CACNA1C: variants seen among roughly 807,000 people sequenced by gnomAD.
CACNA1C encodes voltage-dependent L-type calcium channel subunit alpha-1C.
CACNA1C carries 30 observed loss-of-function variants against 229.0 expected under a neutral mutation model. The observed-to-expected ratio is 0.13, with a 90% CI of 0.10 to 0.18. The LOEUF is 0.18. Among genes scored for constraint, CACNA1C ranks in the 10% least tolerant of loss-of-function variants. The pLI, the probability that CACNA1C is intolerant of heterozygous loss-of-function variation, is 1.00. For synonymous variants in CACNA1C, 1,114 were observed against 1,132.5 expected, an observed-to-expected ratio of 0.98 and a Z score of 0.33; for missense variants, 1,658 against 2,845.0, an observed-to-expected ratio of 0.58 and a Z score of 9.49.
Position 2,448,763 on chromosome 12 carries a change from GA to G in CACNA1C, c.478-202del, listed in dbSNP as rs34361820. Among the ~76,000 whole-genome samples the G allele has an allele frequency of 0.17, 25,910 of 150,020 alleles. 2,498 individuals carry two copies. Among genetic ancestry groups the G allele is most frequent in the Non-Finnish European group, 0.21 (14,452 of 67,570 alleles). ...ATGTTCATGGGGGAACTTTGATGCA[GA>G]AAAAAAAAAATCCTGTAATCCCCAG... On this transcript the variant is annotated intron_variant, in intron 3 of 46. Transcript: ENST00000399655.
chr12:2,552,719 G>T (rs755791972), intron 10 of CACNA1C, among the ~76,000 whole-genome samples: 4 of 152,180 alleles, frequency 2.6e-5, no homozygotes, highest in Non-Finnish European at 5.9e-5. Flanking sequence ...GTGTTCTGGG[G>T]TGCTACCCCT....
chr12:2,695,107 G>A lies in CACNA1C; in HGVS notation c.*3908G>A, dbSNP rs2097828139. On this transcript the variant is annotated 3_prime_UTR_variant, in exon 47 of 47. Coordinates refer to ENST00000399655, the MANE Select transcript of CACNA1C (RefSeq NM_000719.7). ...CAGGGGAGGCAAATACTTGCTGATGGAGTCTGGGCCGTTTCCATATTTTAA... is the reference window on the plus strand; with the variant it reads ...CAGGGGAGGCAAATACTTGCTGATGAAGTCTGGGCCGTTTCCATATTTTAA... 1 of 152,188 alleles carries A rather than the reference G, an allele frequency of 6.6e-6. No individual in the cohort carries two copies. The highest frequency in any genetic ancestry group is 1.5e-5 in the Non-Finnish European group (1 of 68,038). The allele number at this position is 152,188 out of a possible 1,614,324, so 9.4% of individuals were successfully genotyped here.
intron 1 of CACNA1C, among the ~76,000 whole-genome samples, chr12:2,017,983 T>A (rs1466112791): frequency 1.3e-5 from 2 of 152,230 alleles, no homozygotes. Flanking sequence ...AATATTTTTT[T>A]AAAACCTTTG....
Position 2,053,306 on chromosome 12 carries a change from C to A in CACNA1C, c.-257C>A. ...TGCGGTGCTCAGTTCTTGGAAGGGG[C>A]CCGGATGTACTGAGGATGCGTTACA... is the stretch of plus-strand genomic sequence containing the variant. On this transcript the variant is annotated 5_prime_UTR_variant, in exon 1 of 47. Coordinates refer to ENST00000399655, the MANE Select transcript of CACNA1C (RefSeq NM_000719.7). This position sits in a 1 kb window ranked among gnomAD's most constrained non-coding sequence, Gnocchi z 5.8. The A allele has an allele frequency of 8.3e-7, 1 of 1,211,710 alleles. No homozygotes were observed. The highest frequency in any genetic ancestry group is 3.8e-5 in the East Asian group (1 of 26,328). The allele number at this position is 1,211,710 out of a possible 1,614,324, so 75.1% of individuals were successfully genotyped here.
intron 9 of CACNA1C, among the ~76,000 whole-genome samples, chr12:2,541,924 A>G (rs1005321839): frequency 2.0e-5 from 3 of 152,154 alleles, no homozygotes; most frequent in Non-Finnish European, 4.4e-5. Flanking sequence ...TCAGTCAGTC[A>G]TGACGCATAA....
Position 2,449,099 on chromosome 12 carries a change from A to G in CACNA1C, c.601A>G (p.Ile201Val). ...CAACGGCTGGAACCTACTAGATTTT[A>G]TAATTGTGGTTGTGGGGTAAGTATC... Reference protein sequence around the residue: ...LRNGWNLLDFIIVVVGLFSAI... With the variant: ...LRNGWNLLDFVIVVVGLFSAI... The change falls in exon 4 of 47, where the codon ATA becomes GTA. Residue 201 changes from isoleucine (I) to valine (V), a missense_variant. Coordinates refer to ENST00000399655, the MANE Select transcript of CACNA1C (RefSeq NM_000719.7). The G allele has an allele frequency of 6.4e-7, 1 of 1,552,146 alleles. No individual in the cohort carries two copies. Among genetic ancestry groups the G allele is most frequent in the South Asian group, 1.2e-5 (1 of 82,074 alleles).
At chr12:2,671,190 T>A (rs1235775775) in intron 38 of CACNA1C, among the ~76,000 whole-genome samples, 3 of 152,036 alleles carry the variant, frequency 2.0e-5, no homozygotes. Flanking sequence ...AATTTTTGTA[T>A]TTTTAGTAGA....
intron 3 of CACNA1C, among the ~76,000 whole-genome samples, chr12:2,272,200 A>G (rs2085360907): frequency 6.6e-6 from 1 of 152,156 alleles, no homozygotes; most frequent in Admixed American, 6.5e-5. Flanking sequence ...ATTCCTGGCC[A>G]CAAACCCTCT....
intron 1 of CACNA1C, among the ~76,000 whole-genome samples, chr12:2,016,442 T>A (rs1159879171): frequency 2.0e-5 from 3 of 152,228 alleles, no homozygotes; most frequent in Admixed American, 1.3e-4. Context: ...TTTTCTTTTT[T>A]TTTTGAGACG....
intron 1 of CACNA1C, among the ~76,000 whole-genome samples, chr12:2,094,797 A>G (rs2073103426): frequency 6.6e-6 from 1 of 152,140 alleles, no homozygotes. Flanking sequence ...GGGTTGTGAA[A>G]TGCAGCCACT....
chr12:2,474,085 A>G lies in CACNA1C; in HGVS notation c.758-12019A>G, dbSNP rs932317900. On this transcript the variant is annotated intron_variant, in intron 5 of 46. Coordinates refer to ENST00000399655, the MANE Select transcript of CACNA1C (RefSeq NM_000719.7). ...AGGTATAATTAAGACTAGTTTAGTA[A>G]CTCATTCAACTAGATAACTCTATAA... 2.0e-5 allele frequency among the ~76,000 whole-genome samples: 3 copies of G among 152,218 alleles called. No homozygotes were observed. In the East Asian group the frequency reaches 5.8e-4, roughly 29 times the overall value.
intron 38 of CACNA1C, among the ~76,000 whole-genome samples, chr12:2,672,380 A>G (rs1226699833): frequency 6.6e-6 from 1 of 152,242 alleles, no homozygotes; most frequent in East Asian, 1.9e-4. Flanking sequence ...TCCTTTTGGA[A>G]ACTATGTTAA....
rs1472305573 is a variant in CACNA1C, at chr12:2,136,065, A to G, written c.477+15635A>G. Among the ~76,000 whole-genome samples, 6 of 150,036 alleles carry G rather than the reference A, an allele frequency of 4.0e-5. 1 individual carries two copies. Among genetic ancestry groups the G allele is most frequent in the South Asian group, 2.1e-4 (1 of 4,708 alleles). ...GCAATATTCGGGTGGGAGTGACCCAATTTTCCAGGTGCGTCCGTCACCCCT... is the reference window on the plus strand; with the variant it reads ...GCAATATTCGGGTGGGAGTGACCCAGTTTTCCAGGTGCGTCCGTCACCCCT... On this transcript the variant is annotated intron_variant, in intron 3 of 46. Transcript: ENST00000399655.
At chr12:2,408,814 G>T (rs2098769568) in intron 3 of CACNA1C, among the ~76,000 whole-genome samples, 1 of 152,130 alleles carries the variant, frequency 6.6e-6, no homozygotes, top group Non-Finnish European at 1.5e-5. Flanking sequence ...AAAACTTATA[G>T]CTGAAAAATA....
chr12:2,320,181 G>A (rs2095904648), intron 3 of CACNA1C, among the ~76,000 whole-genome samples: 1 of 152,202 alleles, frequency 6.6e-6, no homozygotes, highest in Non-Finnish European at 1.5e-5. Context: ...TGGGTTTCCA[G>A]TGGTTGGTCA....
chr12:2,601,490 A>T lies in CACNA1C; in HGVS notation c.2854-364A>T, dbSNP rs1170762516. 6.6e-6 allele frequency among the ~76,000 whole-genome samples: 1 copy of T among 152,076 alleles called. No individual in the cohort carries two copies. The highest frequency in any genetic ancestry group is 6.5e-5 in the Admixed American group (1 of 15,274). On this transcript the variant is annotated intron_variant, in intron 21 of 46. Coordinates refer to ENST00000399655, the MANE Select transcript of CACNA1C (RefSeq NM_000719.7). The surrounding 1 kb of genome is among the most constrained non-coding windows in gnomAD (Gnocchi z 5.9). ...TCGGGATGTGTGCTCCCAACCCGAC[A>T]GCATCAGGAAAGGACCCTGCAGGCC...
At chr12:1,993,627 GGTGTGTGTGT>G (rs150056084) in intron 1 of CACNA1C, among the ~76,000 whole-genome samples, 2 of 146,674 alleles carry the variant, frequency 1.4e-5, no homozygotes, top group South Asian at 2.2e-4. Flanking sequence ...CTTCATTTGT[GGTGTGTGTGT>G]GTGTGTGTGT....
chr12:2,588,207 C>T (rs777940906), intron 18 of CACNA1C, among the ~76,000 whole-genome samples: 7 of 152,198 alleles, frequency 4.6e-5, no homozygotes, highest in Non-Finnish European at 7.3e-5. Flanking sequence ...TCTTGTTCTC[C>T]CGAACCACGA....
At chr12:2,429,183 A>G (rs552888474) in intron 3 of CACNA1C, among the ~76,000 whole-genome samples, 1 of 152,204 alleles carries the variant, frequency 6.6e-6, no homozygotes, top group East Asian at 1.9e-4. Context: ...TCTTATAAGG[A>G]CATCAACATA....
Sources: allele counts gnomAD v4.1 joint callset (sites outside exome capture counted in the v4.1 genomes callset), GRCh38; gene constraint gnomAD v4.1.1; non-coding constraint Gnocchi (gnomAD v3.1); transcripts MANE v1.5; gene names NCBI Gene and HGNC (gene_info 2026-07-23, HGNC 2026-07-21).